The following KIRREL3 variants were observed in gnomAD, a reference collection of about 807,000 sequenced individuals.
The protein encoded by KIRREL3 is kin of IRRE-like protein 3.
In KIRREL3, 36 loss-of-function variants were observed where a neutral mutation model predicts 89.7. The observed-to-expected ratio is 0.40, with a 90% confidence interval of 0.31 to 0.53. KIRREL3 has a LOEUF of 0.53. KIRREL3 is among the 20% of genes least tolerant of loss of function. The pLI, the probability that KIRREL3 is intolerant of heterozygous loss-of-function variation, is 0.49. For missense variants in KIRREL3, 864 were observed against 1,056.6 expected (o/e 0.82, Z 2.53); for synonymous variants, 445 against 441.4 (o/e 1.01, Z -0.10).
chr11:126,963,632 A>G (rs1378153109), intron 1 of KIRREL3, among the ~76,000 whole-genome samples: 1 of 152,198 alleles, frequency 6.6e-6, no homozygotes, highest in Non-Finnish European at 1.5e-5. Context: ...CAGGCATGCT[A>G]TTGATTTGGA....
At chr11:126,505,318 C>T (rs1269045996) in intron 4 of KIRREL3, among the ~76,000 whole-genome samples, 2 of 152,220 alleles carry the variant, frequency 1.3e-5, no homozygotes, top group Non-Finnish European at 2.9e-5. Flanking sequence ...ACTTGTAATT[C>T]CAGCACTCTG....
rs1950304070 is a variant in KIRREL3, at chr11:126,780,782, A to G, written c.56-217870T>C. Among the ~76,000 whole-genome samples, 1 of 152,212 alleles carries G rather than the reference A, an allele frequency of 6.6e-6. No homozygotes were observed. The highest frequency in any genetic ancestry group is 1.9e-4 in the East Asian group (1 of 5,200). On this transcript the variant is annotated intron_variant, in intron 1 of 16. Transcript: ENST00000525144. The surrounding 1 kb of genome is among the most constrained non-coding windows in gnomAD (Gnocchi z 5.3). ...CAATTGTGGTCTTTACATGAAATCAACAAACATATATGGAGCTTTAAATAT... is the reference window on the plus strand; with the variant it reads ...CAATTGTGGTCTTTACATGAAATCAGCAAACATATATGGAGCTTTAAATAT...
chr11:126,764,406 T>C lies in KIRREL3; in HGVS notation c.56-201494A>G, dbSNP rs371432427. 1.4e-3 allele frequency among the ~76,000 whole-genome samples: 208 copies of C among 152,254 alleles called. No homozygotes were observed. The highest frequency in any genetic ancestry group is 4.5e-3 in the African/African-American group (188 of 41,548). On this transcript the variant is annotated intron_variant, in intron 1 of 16. Transcript: ENST00000525144. This position sits in a 1 kb window ranked among gnomAD's most constrained non-coding sequence, Gnocchi z 4.2. ...AAGCTACACATTTCTGTCCTAGAGA[T>C]AGGTGGCAGTGTGGATTCAGGGCTG...
At chr11:126,765,651 T>C (rs1341093171) in intron 1 of KIRREL3, among the ~76,000 whole-genome samples, 5 of 152,190 alleles carry the variant, frequency 3.3e-5, no homozygotes, top group African/African-American at 1.2e-4. Flanking sequence ...CTTCACTGTC[T>C]CCCTTTAATG....
rs528402533 is a variant in KIRREL3, at chr11:126,774,119, C to T, written c.56-211207G>A. Among the ~76,000 whole-genome samples, 7 of 146,882 alleles carry T rather than the reference C, an allele frequency of 4.8e-5. No individual in the cohort carries two copies. The South Asian group carries it at 1.6e-3, about 33-fold the overall frequency. On this transcript the variant is annotated intron_variant, in intron 1 of 16. Coordinates refer to ENST00000525144, the MANE Select transcript of KIRREL3 (RefSeq NM_032531.4). Reference sequence around the variant, plus strand: ...TCTGTTGGATACTTGCATGTAGGAGCTTGTATTTAATCTTCATGTCAACAT... The same window carrying T: ...TCTGTTGGATACTTGCATGTAGGAGTTTGTATTTAATCTTCATGTCAACAT...
At chr11:126,911,199 A>G (rs1946801783) in intron 1 of KIRREL3, among the ~76,000 whole-genome samples, 1 of 152,186 alleles carries the variant, frequency 6.6e-6, no homozygotes, top group Admixed American at 6.5e-5. Context: ...TGGCCCCTCC[A>G]AGTAGGAGAC....
In KIRREL3 at chr11:126,521,672, CTGTATGTGTGTGTGTGTGTGTG is replaced by C. The variant is rs748481944; in HGVS notation, c.284-230_284-209del. On this transcript the variant is annotated intron_variant, in intron 3 of 16. Transcript: ENST00000525144. This position sits in a 1 kb window ranked among gnomAD's most constrained non-coding sequence, Gnocchi z 4.1. ...AGGTGTTGGTTCTCTCTCTCTCTCT[CTGTATGTGTGTGTGTGTGTGTG>C]TGTGTGTGTGTGTGTGTGTGTGTGT... Among the ~76,000 whole-genome samples the C allele has an allele frequency of 1.2e-4, 5 of 43,028 alleles. No homozygotes were observed. Among genetic ancestry groups the C allele is most frequent in the African/African-American group, 3.6e-4 (2 of 5,554 alleles). 28.2% of individuals were successfully genotyped at this position (43,028 alleles called of 152,430 possible).
chr11:126,440,595 C>T (rs1350783870), intron 10 of KIRREL3, 46 bp from the exon 11 acceptor site: 2 of 1,503,080 alleles, frequency 1.3e-6, no homozygotes, highest in Admixed American at 3.9e-5. Flanking sequence ...AGGGCACGTC[C>T]CTGCTGGCGC....
At chr11:126,572,731 G>A (rs1941029867) in intron 1 of KIRREL3, among the ~76,000 whole-genome samples, 2 of 152,158 alleles carry the variant, frequency 1.3e-5, no homozygotes, top group South Asian at 2.1e-4. Context: ...GAAGCGTGGA[G>A]AATGCCTGCC....
Position 126,724,881 on chromosome 11 carries a change from CAGTT to C in KIRREL3, c.56-161973_56-161970del, listed in dbSNP as rs995349436. On this transcript the variant is annotated intron_variant, in intron 1 of 16. Transcript: ENST00000525144. The surrounding 1 kb of genome is among the most constrained non-coding windows in gnomAD (Gnocchi z 4.3). The stretch of plus-strand genomic sequence containing the variant: ...TCCTCTTTATCATAGATCAACTTGT[CAGTT>C]AGTCATTCACTTAATGAGTATTTAT... Among the ~76,000 whole-genome samples the C allele has an allele frequency of 6.6e-6, 1 of 152,214 alleles. No individual in the cohort carries two copies. Among genetic ancestry groups the C allele is most frequent in the African/African-American group, 2.4e-5 (1 of 41,452 alleles).
Position 126,817,836 on chromosome 11 carries a change from G to A in KIRREL3, c.55+182619C>T, listed in dbSNP as rs1202544380. Among the ~76,000 whole-genome samples, 1 of 152,190 alleles carries A rather than the reference G, an allele frequency of 6.6e-6. No individual in the cohort carries two copies. The highest frequency in any genetic ancestry group is 2.4e-5 in the African/African-American group (1 of 41,452). The stretch of plus-strand genomic sequence containing the variant: ...GGCTGTCCCAACCCCACCCTGATCT[G>A]AAGGCTGAGGGGGTCATTATGTGGA... On this transcript the variant is annotated intron_variant, in intron 1 of 16. Coordinates refer to ENST00000525144, the MANE Select transcript of KIRREL3 (RefSeq NM_032531.4). The surrounding 1 kb of genome is among the most constrained non-coding windows in gnomAD (Gnocchi z 5.7).
At chr11:126,829,890 A>G (rs1456611833) in intron 1 of KIRREL3, among the ~76,000 whole-genome samples, 2 of 152,152 alleles carry the variant, frequency 1.3e-5, no homozygotes, top group Non-Finnish European at 2.9e-5. Flanking sequence ...AGAAGACTGG[A>G]TTTGCCAAGA....
chr11:126,822,545 T>C (rs1447278672), intron 1 of KIRREL3, among the ~76,000 whole-genome samples: 1 of 152,188 alleles, frequency 6.6e-6, no homozygotes, highest in Non-Finnish European at 1.5e-5. Context: ...ACTCATATAG[T>C]ATTGAGGTTT....
In KIRREL3 at chr11:126,528,301, A is replaced by G. The variant is rs1958826831; in HGVS notation, c.134-1614T>C. On this transcript the variant is annotated intron_variant, in intron 2 of 16. Coordinates refer to ENST00000525144, the MANE Select transcript of KIRREL3 (RefSeq NM_032531.4). The surrounding 1 kb of genome is among the most constrained non-coding windows in gnomAD (Gnocchi z 4.6). ...TGGCTGCTGCCCATCTTGGGGACAA[A>G]AAGCCCCAGGCTTGGGCCACACCTA... Among the ~76,000 whole-genome samples, 1 of 152,170 alleles carries G rather than the reference A, an allele frequency of 6.6e-6. No individual in the cohort carries two copies. Among genetic ancestry groups the G allele is most frequent in the African/African-American group, 2.4e-5 (1 of 41,442 alleles).
At position 126,551,516 on chromosome 11, in the gene KIRREL3, T is replaced by A. The variant is rs1306717236; in HGVS notation, c.133+11319A>T. Reference sequence around the variant, plus strand: ...TATAGAAACATGTCTAGATACATCATCACGCCTCAGGCCATGCCCTGACTT... The same window carrying A: ...TATAGAAACATGTCTAGATACATCAACACGCCTCAGGCCATGCCCTGACTT... On this transcript the variant is annotated intron_variant, in intron 2 of 16. Transcript: ENST00000525144. This position sits in a 1 kb window ranked among gnomAD's most constrained non-coding sequence, Gnocchi z 4.9. Among the ~76,000 whole-genome samples the A allele has an allele frequency of 3.9e-5, 6 of 152,150 alleles. No individual in the cohort carries two copies. The highest frequency in any genetic ancestry group is 8.8e-5 in the Non-Finnish European group (6 of 68,030).
chr11:126,870,820 C>T lies in KIRREL3; in HGVS notation c.55+129635G>A, dbSNP rs982481143. Among the ~76,000 whole-genome samples, 3 of 152,162 alleles carry T rather than the reference C, an allele frequency of 2.0e-5. No homozygotes were observed. Among genetic ancestry groups the T allele is most frequent in the African/African-American group, 7.2e-5 (3 of 41,416 alleles). On this transcript the variant is annotated intron_variant, in intron 1 of 16. Coordinates refer to ENST00000525144, the MANE Select transcript of KIRREL3 (RefSeq NM_032531.4). The surrounding 1 kb of genome is among the most constrained non-coding windows in gnomAD (Gnocchi z 4.4). The stretch of plus-strand genomic sequence containing the variant: ...ACTTCCAGTGTAGTTCCTGCACTGC[C>T]CCTCCCCACTTCCAGTGTAGATCTG...
chr11:126,923,858 C>T (rs1277133362), intron 1 of KIRREL3, among the ~76,000 whole-genome samples: 2 of 152,204 alleles, frequency 1.3e-5, no homozygotes, highest in East Asian at 1.9e-4. Context: ...ATTTACTGGA[C>T]ATCTCTACTT....
rs1421559087 is a variant in KIRREL3 at position 126,954,052 on chromosome 11, G to A, written c.55+46403C>T. On this transcript the variant is annotated intron_variant, in intron 1 of 16. Transcript: ENST00000525144. This position sits in a 1 kb window ranked among gnomAD's most constrained non-coding sequence, Gnocchi z 4.1. ...GGTGTGTGTGCACATGCGTGTGCAT[G>A]TGTACATGCGGGGTCTAATTCTCCC... Among the ~76,000 whole-genome samples the A allele has an allele frequency of 1.3e-5, 2 of 152,094 alleles. No homozygotes were observed. The highest frequency in any genetic ancestry group is 4.8e-5 in the African/African-American group (2 of 41,420).
In KIRREL3 at chr11:126,897,950, A is replaced by T. The variant is rs908310205; in HGVS notation, c.55+102505T>A. Among the ~76,000 whole-genome samples the T allele has an allele frequency of 6.6e-6, 1 of 151,880 alleles. No individual in the cohort carries two copies. Among genetic ancestry groups the T allele is most frequent in the African/African-American group, 2.4e-5 (1 of 41,316 alleles). ...ATTCTGCCTCTGCTTGGGAAGGGGG[A>T]GTGGGTGGGAGCTTGGACTGTCCAC... On this transcript the variant is annotated intron_variant, in intron 1 of 16. Transcript: ENST00000525144. This position sits in a 1 kb window ranked among gnomAD's most constrained non-coding sequence, Gnocchi z 4.2.
Sources: gnomAD v4.1 joint callset for allele counts (sites outside exome capture counted in the v4.1 genomes callset) on GRCh38, gnomAD v4.1.1 for gene constraint, Gnocchi (gnomAD v3.1) non-coding constraint, MANE v1.5 for transcripts, NCBI Gene and HGNC (gene_info 2026-07-23, HGNC 2026-07-21) for gene names.